The following CAPZB variants were observed in gnomAD, a reference collection of about 807,000 sequenced individuals.
CAPZB encodes F-actin-capping protein subunit beta.
Under a neutral mutation model 38.1 loss-of-function variants are expected in CAPZB, and 2 were observed. The observed-to-expected ratio is 0.05, with a 90% CI of 0.02 to 0.17. CAPZB has a LOEUF of 0.17. Among genes scored for constraint, CAPZB ranks in the 10% least tolerant of loss-of-function variants. The pLI is 1.00. For synonymous variants in CAPZB, 107 were observed against 127.4 expected (o/e 0.84, Z 1.08); for missense variants, 161 against 334.2 (o/e 0.48, Z 4.04).
intron 2 of CAPZB, among the ~76,000 whole-genome samples, chr1:19,397,975 T>C (rs922291422): frequency 2.0e-5 from 3 of 152,106 alleles, no homozygotes; most frequent in African/African-American, 7.2e-5. Flanking sequence ...TGGGTTGATA[T>C]TCATCTGCAC....
chr1:19,470,854 G>C (rs1289567844), intron 1 of CAPZB, among the ~76,000 whole-genome samples: 1 of 152,188 alleles, frequency 6.6e-6, no homozygotes, highest in East Asian at 1.9e-4. Context: ...GAAGGAAACG[G>C]AACGGTGCAT....
intron 1 of CAPZB, among the ~76,000 whole-genome samples, chr1:19,438,129 C>T (rs770267120): frequency 1.3e-5 from 2 of 152,122 alleles, no homozygotes; most frequent in African/African-American, 4.8e-5. Context: ...AGGTCATGCT[C>T]CTCACTTAGA....
intron 8 of CAPZB, among the ~76,000 whole-genome samples, chr1:19,342,586 T>C (rs1465959919): frequency 6.6e-6 from 1 of 152,018 alleles, no homozygotes; most frequent in East Asian, 1.9e-4. Context: ...CCGTGTTACA[T>C]GGGGCCGAGG....
At chr1:19,438,661 A>G (rs1033409354) in intron 1 of CAPZB, among the ~76,000 whole-genome samples, 11 of 152,212 alleles carry the variant, frequency 7.2e-5, no homozygotes, top group African/African-American at 2.4e-4. Context: ...TTCCAAGGCC[A>G]GGTCTGCTCC....
intron 6 of CAPZB, among the ~76,000 whole-genome samples, chr1:19,348,764 G>A (rs972111992): frequency 3.7e-5 from 5 of 134,434 alleles, no homozygotes; most frequent in South Asian, 2.5e-4. Flanking sequence ...TGACAAGGGG[G>A]GGGGGCGGTC....
Position 19,346,105 on chromosome 1 carries a change from TTCTTTCAGG to T in CAPZB, c.589-862_589-854del, listed in dbSNP as rs1244596483. On this transcript the variant is annotated intron_variant, in intron 6 of 8. Transcript: ENST00000264202. ...CTTATTTCCCTGACAAGAATATAAA[TTCTTTCAGG>T]AGAGATGTGCCTGCCTCATAACGCA... is the stretch of plus-strand genomic sequence containing the variant. Among the ~76,000 whole-genome samples the T allele has an allele frequency of 4.6e-5, 7 of 152,148 alleles. No homozygotes were observed. In the East Asian group the frequency reaches 1.2e-3, roughly 25 times the overall value.
At chr1:19,433,955 C>A (rs1169693469) in intron 1 of CAPZB, among the ~76,000 whole-genome samples, 5 of 152,226 alleles carry the variant, frequency 3.3e-5, no homozygotes, top group African/African-American at 1.2e-4. Flanking sequence ...ACAACTGGCC[C>A]TCTGGCTCCC....
rs11334966 is a variant in CAPZB at position 19,472,709 on chromosome 1, A to ATTTTT, written c.3+12722_3+12726dup. Among the ~76,000 whole-genome samples, 10 of 61,168 alleles carry ATTTTT rather than the reference A, an allele frequency of 1.6e-4. 1 individual carries two copies. Among genetic ancestry groups the ATTTTT allele is most frequent in the African/African-American group, 6.2e-4 (9 of 14,410 alleles). 40.1% of individuals were successfully genotyped at this position (61,168 alleles called of 152,430 possible). On this transcript the variant is annotated intron_variant, in intron 1 of 8. Transcript: ENST00000264202. ...TGCAACTACTGCGCTTTCATTCTTCATTTTTTTTTTTTTTTTTTTTTTTTT... is the reference window on the plus strand; with the variant it reads ...TGCAACTACTGCGCTTTCATTCTTCATTTTTTTTTTTTTTTTTTTTTTTTTTTTTT...
chr1:19,361,283 TGA>T (rs1460931299), intron 4 of CAPZB, among the ~76,000 whole-genome samples: 17 of 152,262 alleles, frequency 1.1e-4, no homozygotes, highest in African/African-American at 3.6e-4. Context: ...CCAACTGAGG[TGA>T]GTCAGACGTG....
At chr1:19,461,225 C>G (rs780816218) in intron 1 of CAPZB, among the ~76,000 whole-genome samples, 2 of 152,140 alleles carry the variant, frequency 1.3e-5, no homozygotes, top group Non-Finnish European at 2.9e-5. Flanking sequence ...CACAAGGTCA[C>G]CCAGCTAGTA....
intron 1 of CAPZB, among the ~76,000 whole-genome samples, chr1:19,441,914 CAGG>C (rs1447356115): frequency 1.4e-5 from 2 of 147,158 alleles, no homozygotes; most frequent in East Asian, 2.0e-4. Context: ...GAGGCTGAAG[CAGG>C]AGAATTGCTT....
chr1:19,453,737 C>T (rs549444026), intron 1 of CAPZB, among the ~76,000 whole-genome samples: 3 of 152,326 alleles, frequency 2.0e-5, no homozygotes, highest in Admixed American at 6.5e-5. Context: ...CAATCTGTCC[C>T]GCCCAGAATA....
chr1:19,483,306 T>C (rs1471634574), intron 1 of CAPZB, among the ~76,000 whole-genome samples: 9 of 152,208 alleles, frequency 5.9e-5, no homozygotes, highest in Non-Finnish European at 1.2e-4. Flanking sequence ...CTTGGTACAA[T>C]GGGAAGAACA....
chr1:19,404,920 G>A (rs1181366753), intron 2 of CAPZB, among the ~76,000 whole-genome samples: 1 of 152,142 alleles, frequency 6.6e-6, no homozygotes, highest in Non-Finnish European at 1.5e-5. Flanking sequence ...TTACACAGAT[G>A]AGGAAACTGA....
intron 2 of CAPZB, among the ~76,000 whole-genome samples, chr1:19,403,023 T>C (rs1334586913): frequency 5.3e-5 from 8 of 151,902 alleles, no homozygotes; most frequent in African/African-American, 1.9e-4. Flanking sequence ...CACTCCAGCC[T>C]GGGCAACAAG....
chr1:19,359,531 C>T (rs1377209505), intron 4 of CAPZB, among the ~76,000 whole-genome samples: 9 of 152,226 alleles, frequency 5.9e-5, no homozygotes, highest in Admixed American at 5.9e-4. Flanking sequence ...CCCTCTCCGG[C>T]ACTACCCACT....
At chr1:19,392,659 C>T (rs1242097613) in intron 2 of CAPZB, among the ~76,000 whole-genome samples, 3 of 151,760 alleles carry the variant, frequency 2.0e-5, no homozygotes, top group Non-Finnish European at 2.9e-5. Context: ...GGCATGGTGG[C>T]ATGTTCCTGT....
chr1:19,341,399 AG>A (rs1423032137), intron 8 of CAPZB, among the ~76,000 whole-genome samples: 1 of 152,162 alleles, frequency 6.6e-6, no homozygotes, highest in Non-Finnish European at 1.5e-5. Context: ...TCTTCTGGGA[AG>A]GAAGAGCCAA....
chr1:19,360,763 C>T (rs898235820), intron 4 of CAPZB, among the ~76,000 whole-genome samples: 2 of 152,218 alleles, frequency 1.3e-5, no homozygotes, highest in African/African-American at 2.4e-5. Flanking sequence ...GCTCCCACTA[C>T]GGGCAGCTTC....
Sources: allele counts gnomAD v4.1 joint callset (sites outside exome capture counted in the v4.1 genomes callset), GRCh38; gene constraint gnomAD v4.1.1; transcripts MANE v1.5; gene names NCBI Gene and HGNC (gene_info 2026-07-23, HGNC 2026-07-21).